USP32: variants seen among roughly 807,000 people sequenced by gnomAD.
The protein encoded by USP32 is ubiquitin specific peptidase 32, also known as ubiquitin carboxyl-terminal hydrolase 32.
A neutral mutation model predicts 204.8 loss-of-function variants in USP32; 59 were observed. That is an observed-to-expected ratio of 0.29 (90% confidence interval 0.23 to 0.36). USP32 has a LOEUF of 0.36. USP32 is among the 10% of genes least tolerant of loss of function. The pLI is 1.00. For missense variants in USP32, 1,160 were observed against 1,946.4 expected, an observed-to-expected ratio of 0.60 and a Z score of 7.60; for synonymous variants, 517 against 678.4, an observed-to-expected ratio of 0.76 and a Z score of 3.70.
chr17:60,357,332 G>A (rs960510636), intron 1 of USP32, among the ~76,000 whole-genome samples: 1 of 151,872 alleles, frequency 6.6e-6, no homozygotes, highest in Non-Finnish European at 1.5e-5. Flanking sequence ...ACACGCCTAT[G>A]GTTCCAGCTA....
chr17:60,227,142 T>G (rs765643000), intron 12 of USP32, among the ~76,000 whole-genome samples: 34 of 152,004 alleles, frequency 2.2e-4, no homozygotes, highest in Non-Finnish European at 4.3e-4. Flanking sequence ...TTTCTCTATT[T>G]CTCTTTTTAA....
intron 2 of USP32, among the ~76,000 whole-genome samples, chr17:60,312,938 G>A (rs1304067375): frequency 6.6e-6 from 1 of 152,104 alleles, no homozygotes; most frequent in East Asian, 1.9e-4. Context: ...AATTTCAAAT[G>A]TTAACATTTA....
At chr17:60,226,930 G>C (rs1231256994) in intron 12 of USP32, among the ~76,000 whole-genome samples, 14 of 150,408 alleles carry the variant, frequency 9.3e-5, no homozygotes. Context: ...TGTAATCCCA[G>C]CTACTCGGGA....
At chr17:60,207,184 A>G (rs1394557181) in intron 24 of USP32, 52 bp from the exon 25 acceptor site, 39 of 1,572,838 alleles carry the variant, frequency 2.5e-5, no homozygotes, top group Non-Finnish European at 3.2e-5. Context: ...GATAAAATGG[A>G]AAAGTTCTCT....
chr17:60,184,083 G>A (rs898695879), intron 30 of USP32, among the ~76,000 whole-genome samples: 1 of 151,576 alleles, frequency 6.6e-6, no homozygotes, highest in African/African-American at 2.4e-5. Flanking sequence ...TCAGGAGATC[G>A]AGACCATCCT....
At chr17:60,352,235 T>C (rs543055831) in intron 1 of USP32, among the ~76,000 whole-genome samples, 1 of 152,328 alleles carries the variant, frequency 6.6e-6, no homozygotes, top group African/African-American at 2.4e-5. Flanking sequence ...TGAAGGCTTC[T>C]TAAAAGGTAA....
At chr17:60,234,587 G>A (rs565517462) in intron 12 of USP32, among the ~76,000 whole-genome samples, 38 of 151,740 alleles carry the variant, frequency 2.5e-4, no homozygotes, top group Non-Finnish European at 4.9e-4. Flanking sequence ...AAAATTAGCC[G>A]GGCGTGGTGG....
intron 22 of USP32, among the ~76,000 whole-genome samples, chr17:60,209,079 T>C (rs1304632649): frequency 6.6e-6 from 1 of 152,196 alleles, no homozygotes; most frequent in Non-Finnish European, 1.5e-5. Context: ...GGTCACTGTA[T>C]CCATTACTTT....
rs1284810851 is a variant in USP32, at chr17:60,255,207, G to T, written c.1042C>A (p.Leu348Ile). Reference sequence around the variant, plus strand: ...AGGAGGTTCAAAAACTCATTGGCAAGAACATTTTTCACACTCCAGATCTGA... The same window carrying T: ...AGGAGGTTCAAAAACTCATTGGCAATAACATTTTTCACACTCCAGATCTGA... ...DYQIWSVKNV[L>I]ANEFLNLLFQ... The change falls in exon 10 of 34, where the codon CTT becomes ATT. Residue 348 changes from leucine (L) to isoleucine (I), a missense_variant. Around this residue, in one of 8 missense-constraint regions of USP32, gnomAD observed 536 missense variants for 680.9 expected, o/e 0.79. Coordinates refer to ENST00000300896, the MANE Select transcript of USP32 (RefSeq NM_032582.4). 2 of 1,612,238 alleles carry T rather than the reference G, an allele frequency of 1.2e-6. No homozygotes were observed. Among genetic ancestry groups the T allele is most frequent in the East Asian group, 4.5e-5 (2 of 44,834 alleles).
At chr17:60,275,524 C>CA (rs1006563577) in intron 5 of USP32, among the ~76,000 whole-genome samples, 8 of 152,226 alleles carry the variant, frequency 5.3e-5, no homozygotes, top group Admixed American at 2.0e-4. Flanking sequence ...CACATACCCC[C>CA]ACACCCCTCT....
chr17:60,192,922 C>A lies in USP32; in HGVS notation c.3443G>T (p.Ser1148Ile). Reference protein sequence around the residue: ...ASNHAQDCDDSMGYQYPFTLR... With the variant: ...ASNHAQDCDDIMGYQYPFTLR... Reference sequence around the variant, plus strand: ...AGTGAATGGATATTGATAGCCCATACTGTCGTCACTGAAACAGAAGAGAAC... The same window carrying A: ...AGTGAATGGATATTGATAGCCCATAATGTCGTCACTGAAACAGAAGAGAAC... The change falls in exon 28 of 34, where the codon AGT (serine) becomes ATT (isoleucine). Residue 1148 changes from serine (S) to isoleucine (I), a missense_variant. By Grantham distance (142) the Ser-to-Ile change is moderately radical. Coordinates refer to ENST00000300896, the MANE Select transcript of USP32 (RefSeq NM_032582.4). The A allele has an allele frequency of 1.2e-6, 2 of 1,613,832 alleles. No individual in the cohort carries two copies. Among genetic ancestry groups the A allele is most frequent in the Non-Finnish European group, 1.7e-6 (2 of 1,179,700 alleles).
intron 1 of USP32, among the ~76,000 whole-genome samples, chr17:60,416,571 A>G (rs1205830418): frequency 1.3e-5 from 2 of 152,184 alleles, no homozygotes; most frequent in Non-Finnish European, 2.9e-5. Flanking sequence ...ATGCCGACCA[A>G]TGGAATTTTG....
At chr17:60,360,146 G>A (rs1396624285) in intron 1 of USP32, among the ~76,000 whole-genome samples, 2 of 151,670 alleles carry the variant, frequency 1.3e-5, no homozygotes, top group Non-Finnish European at 2.9e-5. Flanking sequence ...GGGATTACAA[G>A]CGTGAGCCAC....
chr17:60,387,972 C>T (rs1490016434), intron 1 of USP32, among the ~76,000 whole-genome samples: 2 of 152,016 alleles, frequency 1.3e-5, no homozygotes, highest in Admixed American at 1.3e-4. Context: ...AATTGTAAGT[C>T]GGGGATTGTC....
intron 16 of USP32, among the ~76,000 whole-genome samples, chr17:60,217,481 G>A (rs903839421): frequency 1.3e-5 from 2 of 152,076 alleles, no homozygotes; most frequent in Admixed American, 1.3e-4. Context: ...TTTTAGTAAA[G>A]ATGGGGTTTC....
intron 2 of USP32, among the ~76,000 whole-genome samples, chr17:60,306,655 T>G (rs1164425315): frequency 6.6e-6 from 1 of 151,524 alleles, no homozygotes; most frequent in Non-Finnish European, 1.5e-5. Context: ...AAAAAAAATG[T>G]CTTTAGCTAT....
intron 1 of USP32, among the ~76,000 whole-genome samples, chr17:60,389,754 T>G: frequency 6.6e-6 from 1 of 151,410 alleles, no homozygotes; most frequent in Admixed American, 6.6e-5. Context: ...CGGTGGCTCA[T>G]GCCTGTAATC....
At chr17:60,196,393 T>C (rs1453955437) in intron 27 of USP32, among the ~76,000 whole-genome samples, 2 of 152,228 alleles carry the variant, frequency 1.3e-5, no homozygotes, top group African/African-American at 2.4e-5. Flanking sequence ...ATTACTTCAC[T>C]TCAAATTTAA....
chr17:60,212,509 T>C (rs2084997353), intron 18 of USP32, among the ~76,000 whole-genome samples: 1 of 152,082 alleles, frequency 6.6e-6, no homozygotes, highest in Non-Finnish European at 1.5e-5. Flanking sequence ...TACAGGTCTT[T>C]TGTTGACAAA....
Sources: allele counts gnomAD v4.1 joint callset (sites outside exome capture counted in the v4.1 genomes callset), GRCh38; gene constraint gnomAD v4.1.1; regional missense constraint gnomAD v4.1.1; transcripts MANE v1.5; gene names NCBI Gene and HGNC (gene_info 2026-07-23, HGNC 2026-07-21).